The following OTOG variants were observed in gnomAD, a reference collection of about 807,000 sequenced individuals.
OTOG encodes otogelin.
Under a neutral mutation model 313.8 loss-of-function variants are expected in OTOG, and 296 were observed. The observed-to-expected ratio is 0.94, with a 90% CI of 0.86 to 1.04. OTOG has a LOEUF of 1.04. Among genes scored for constraint, OTOG ranks in the 50% least tolerant of loss-of-function variants. The pLI is 0.00. For missense variants in OTOG, 3,948 were observed against 3,840.1 expected (o/e 1.03, Z -0.74); for synonymous variants, 1,533 against 1,554.9 (o/e 0.99, Z 0.33).
rs1848068681 is a variant in OTOG at position 17,645,968 on chromosome 11, G to A, written c.*24G>A. On this transcript the variant is annotated 3_prime_UTR_variant, in exon 56 of 56. Coordinates refer to ENST00000399397, the MANE Select transcript of OTOG (RefSeq NM_001292063.2). ...GAGGCCTGGGGGCCCGGGCTAGCTG[G>A]ACCACCTCTGCCAGCCCCACTTTCT... 5 of 1,542,968 alleles carry A rather than the reference G, an allele frequency of 3.2e-6. No homozygotes were observed. Among genetic ancestry groups the A allele is most frequent in the Non-Finnish European group, 4.4e-6 (5 of 1,144,998 alleles).
At chr11:17,557,720 G>A (rs1037280655) in intron 8 of OTOG, among the ~76,000 whole-genome samples, 1 of 152,092 alleles carries the variant, frequency 6.6e-6, no homozygotes, top group Non-Finnish European at 1.5e-5. Context: ...GAAGCGTTCA[G>A]GGCCAAATCA....
chr11:17,579,762 G>C (rs918296941), intron 23 of OTOG, among the ~76,000 whole-genome samples: 12 of 152,178 alleles, frequency 7.9e-5, no homozygotes, highest in African/African-American at 2.4e-5. Flanking sequence ...CAGGGTGTCT[G>C]GGGTCAGGAA....
intron 39 of OTOG, among the ~76,000 whole-genome samples, chr11:17,627,599 C>G (rs1263019110): frequency 6.6e-6 from 1 of 152,092 alleles, no homozygotes; most frequent in Non-Finnish European, 1.5e-5. Context: ...GTAACACTGG[C>G]CTCATAGAAT....
Position 17,551,874 on chromosome 11 carries a change from C to A in OTOG, c.217-126C>A, listed in dbSNP as rs939144603. On this transcript the variant is annotated intron_variant, in intron 3 of 55. Coordinates refer to ENST00000399397, the MANE Select transcript of OTOG (RefSeq NM_001292063.2). ...GCCAGGCGAGGAGGAGTGGCTGGGG[C>A]ACTGAGGGGCAGGGGCTCCTCCCTC... 6 of 766,504 alleles carry A rather than the reference C, an allele frequency of 7.8e-6. No individual in the cohort carries two copies. The South Asian group carries it at 8.1e-5, about 10-fold the overall frequency. 47.5% of individuals were successfully genotyped at this position (766,504 alleles called of 1,614,324 possible).
chr11:17,612,311 C>T lies in OTOG; in HGVS notation c.6273C>T (p.Cys2091=). Residue 2091 remains cysteine, a synonymous_variant, in exon 37 of 56, where the codon TGC becomes TGT. Coordinates refer to ENST00000399397, the MANE Select transcript of OTOG (RefSeq NM_001292063.2). ...TGCGGGTGGGTGGGGACCGCTGCTG[C>T]CCACTCTGGGAGTGTGCCTGTGAGT... ...LAVRVGGDRC[C]PLWECACRCS... 2.0e-6 allele frequency: 3 copies of T among 1,537,390 alleles called. No individual in the cohort carries two copies. Among genetic ancestry groups the T allele is most frequent in the Non-Finnish European group, 2.6e-6 (3 of 1,145,854 alleles).
intron 30 of OTOG, 51 bp from the exon 31 acceptor site, chr11:17,599,620 G>T: frequency 6.5e-7 from 1 of 1,546,076 alleles, no homozygotes; most frequent in Non-Finnish European, 8.8e-7. Flanking sequence ...CTGTCTGTCT[G>T]TTCCAGGCTC....
Position 17,605,985 on chromosome 11 carries a change from C to T in OTOG, c.4006C>T (p.Leu1336=). The change falls in exon 33 of 56, where the codon CTG becomes TTG. Residue 1336 remains leucine (L), a synonymous_variant. Coordinates refer to ENST00000399397, the MANE Select transcript of OTOG (RefSeq NM_001292063.2). ...CTTCCAACAGCATGCCTCCTTCTTG[C>T]TGCACCGGGGGACACGGCAGGCAGG... ...DTFQQHASFL[L]HRGTRQAGLV... 3 of 1,550,632 alleles carry T rather than the reference C, an allele frequency of 1.9e-6. No homozygotes were observed. Among genetic ancestry groups the T allele is most frequent in the Non-Finnish European group, 2.6e-6 (3 of 1,146,996 alleles).
Position 17,611,041 on chromosome 11 carries a change from C to T in OTOG, c.5741C>T (p.Ser1914Phe), listed in dbSNP as rs1853526415. Residue 1914 changes from serine (S) to phenylalanine (F), a missense_variant, in exon 36 of 56, where the codon TCC (serine) becomes TTC (phenylalanine). Physicochemically the swap from Ser to Phe is radical, Grantham distance 155. Coordinates refer to ENST00000399397, the MANE Select transcript of OTOG (RefSeq NM_001292063.2). ...KSTTGKVAIL[S>F]KQVSLPTSMY... is the part of the protein sequence containing the mutation. ...ACCACAGGGAAGGTGGCCATCCTAT[C>T]CAAGCAAGTGTCTCTGCCCACTTCC... The T allele has an allele frequency of 6.4e-7, 1 of 1,550,604 alleles. No homozygotes were observed. The highest frequency in any genetic ancestry group is 1.2e-5 in the South Asian group (1 of 84,062).
At position 17,576,588 on chromosome 11, in the gene OTOG, A is replaced by G. The variant is rs1852531995; in HGVS notation, c.2519A>G (p.Asp840Gly). The G allele has an allele frequency of 1.3e-6, 2 of 1,550,348 alleles. No homozygotes were observed. Among genetic ancestry groups the G allele is most frequent in the Non-Finnish European group, 1.7e-6 (2 of 1,146,914 alleles). ...TGCTCCTGCCACTTCCAGGGAGTGG[A>G]CTATCCCCCCGGAGACAGTGACATC... ...NQCSCHFQGVDYPPGDSDIPS... is the reference protein window; with the variant it reads ...NQCSCHFQGVGYPPGDSDIPS... Residue 840 changes from aspartate (D) to glycine (G), a missense_variant, in exon 21 of 56, where the codon GAC becomes GGC. Physicochemically the swap from Asp to Gly is moderately conservative, Grantham distance 94. Transcript: ENST00000399397.
chr11:17,570,425 G>C (rs904111002), intron 17 of OTOG, 35 bp downstream of exon 17: 43 of 1,545,962 alleles, frequency 2.8e-5, no homozygotes, highest in Non-Finnish European at 3.5e-5. Flanking sequence ...GAAGAAGAGG[G>C]GAAATGGGCC....
chr11:17,620,738 A>G (rs1853844359), intron 39 of OTOG, among the ~76,000 whole-genome samples: 1 of 152,160 alleles, frequency 6.6e-6, no homozygotes, highest in African/African-American at 2.4e-5. Flanking sequence ...CTTCAATTAC[A>G]TGTGTTTTAG....
At chr11:17,551,660 A>G (rs1424304515) in intron 3 of OTOG, among the ~76,000 whole-genome samples, 2 of 152,194 alleles carry the variant, frequency 1.3e-5, no homozygotes, top group Non-Finnish European at 2.9e-5. Context: ...TGTGGAGGAC[A>G]TAAGGGTTTA....
At chr11:17,628,751 A>G (rs902258689) in intron 39 of OTOG, among the ~76,000 whole-genome samples, 3 of 152,254 alleles carry the variant, frequency 2.0e-5, no homozygotes, top group African/African-American at 7.2e-5. Context: ...AGACTCTCCC[A>G]GAAGAAATGA....
chr11:17,547,356 G>T lies in OTOG; in HGVS notation c.-17G>T. 7.5e-7 allele frequency: 1 copy of T among 1,336,844 alleles called. No individual in the cohort carries two copies. The allele number at this position is 1,336,844 out of a possible 1,614,324, so 82.8% of individuals were successfully genotyped here. ...GGCTGGCCCTGCGCTCAAGTCCTCC[G>T]GTCCCCTCGTGTCCCTATGGGAGTC... On this transcript the variant is annotated 5_prime_UTR_variant, in exon 1 of 56. Coordinates refer to ENST00000399397, the MANE Select transcript of OTOG (RefSeq NM_001292063.2).
At chr11:17,572,501 C>T (rs1183659175) in intron 18 of OTOG, among the ~76,000 whole-genome samples, 1 of 152,174 alleles carries the variant, frequency 6.6e-6, no homozygotes, top group Non-Finnish European at 1.5e-5. Flanking sequence ...CTGCCCATGC[C>T]CCCCTTCTCA....
At chr11:17,632,381 AT>A (rs1268253339) in intron 42 of OTOG, among the ~76,000 whole-genome samples, 155 bp downstream of exon 42, 1 of 152,058 alleles carries the variant, frequency 6.6e-6, no homozygotes, top group Admixed American at 6.6e-5. Context: ...AATATTTCAT[AT>A]GTTTAATTTA....
chr11:17,569,400 T>C, intron 16 of OTOG, 112 bp downstream of exon 16: 1 of 1,412,556 alleles, frequency 7.1e-7, no homozygotes, highest in Non-Finnish European at 9.6e-7. Flanking sequence ...CATATTCTAG[T>C]ACTGGGTAGA....
At position 17,561,655 on chromosome 11, in the gene OTOG, C is replaced by T. The variant is rs989230522; in HGVS notation, c.1499-7C>T. On this transcript the variant is annotated splice_region_variant and splice_polypyrimidine_tract_variant and intron_variant, in intron 14 of 55. Coordinates refer to ENST00000399397, the MANE Select transcript of OTOG (RefSeq NM_001292063.2). ...CCATGGGTCAGTGGCCTTTTTCTAC[C>T]TCTCAGCTGAGTGCTCAGTGACTGG... is the stretch of plus-strand genomic sequence containing the variant. The T allele has an allele frequency of 3.2e-6, 5 of 1,550,550 alleles. No homozygotes were observed. Among genetic ancestry groups the T allele is most frequent in the Non-Finnish European group, 3.5e-6 (4 of 1,146,970 alleles).
chr11:17,565,572 C>T (rs563309332), intron 15 of OTOG, among the ~76,000 whole-genome samples: 56 of 152,262 alleles, frequency 3.7e-4, no homozygotes, highest in African/African-American at 1.3e-3. Flanking sequence ...AAGTTATTCT[C>T]CCCCTCCTTG....
Sources: allele counts gnomAD v4.1 joint callset (sites outside exome capture counted in the v4.1 genomes callset), GRCh38; gene constraint gnomAD v4.1.1; transcripts MANE v1.5; gene names NCBI Gene and HGNC (gene_info 2026-07-23, HGNC 2026-07-21).